PTN: variants seen among roughly 807,000 people sequenced by gnomAD.
PTN encodes pleiotrophin.
A neutral mutation model predicts 24.1 loss-of-function variants in PTN; 18 were observed. That is an observed-to-expected ratio of 0.75 (90% CI 0.52 to 1.11). PTN has a LOEUF of 1.11. Among genes scored for constraint, PTN ranks in the 50% least tolerant of loss-of-function variants. The pLI is 0.00. For missense variants in PTN, 163 were observed against 198.8 expected (o/e 0.82, Z 1.08); for synonymous variants, 78 against 68.6 (o/e 1.14, Z -0.67).
At chr7:137,313,062 A>G (rs1347689315) in intron 1 of PTN, among the ~76,000 whole-genome samples, 1 of 79,310 alleles carries the variant, frequency 1.3e-5, no homozygotes, top group Non-Finnish European at 2.5e-5. Flanking sequence ...AGATTCCTTT[A>G]TCTTCCTTCT....
At chr7:137,300,420 C>T (rs566039389) in intron 1 of PTN, among the ~76,000 whole-genome samples, 2 of 152,054 alleles carry the variant, frequency 1.3e-5, no homozygotes, top group South Asian at 2.1e-4. Flanking sequence ...AAACACAGTG[C>T]AGTACCTGCC....
chr7:137,302,871 T>C (rs1429220846), intron 1 of PTN, among the ~76,000 whole-genome samples: 1 of 152,028 alleles, frequency 6.6e-6, no homozygotes, highest in Non-Finnish European at 1.5e-5. Flanking sequence ...AGTTCAGCTC[T>C]GCTTTCCCTA....
At chr7:137,261,967 T>A (rs1809046981) in intron 1 of PTN, among the ~76,000 whole-genome samples, 1 of 152,202 alleles carries the variant, frequency 6.6e-6, no homozygotes, top group African/African-American at 2.4e-5. Context: ...CAGAAAGGTG[T>A]AGGGAAGTTA....
intron 1 of PTN, among the ~76,000 whole-genome samples, chr7:137,256,339 C>T (rs1240248477): frequency 6.6e-6 from 1 of 152,130 alleles, no homozygotes; most frequent in Non-Finnish European, 1.5e-5. Flanking sequence ...TCAACAGGTC[C>T]TGGTGTGTGA....
At chr7:137,241,253 G>A (rs1808623678) in intron 4 of PTN, among the ~76,000 whole-genome samples, 1 of 152,060 alleles carries the variant, frequency 6.6e-6, no homozygotes, top group Non-Finnish European at 1.5e-5. Context: ...ATTTGTGTCG[G>A]GAAACAGAGC....
At chr7:137,229,041 T>C (rs1206942191) in intron 4 of PTN, among the ~76,000 whole-genome samples, 2 of 151,868 alleles carry the variant, frequency 1.3e-5, no homozygotes, top group African/African-American at 4.8e-5. Context: ...CTTAATGTAT[T>C]TGTTTCTTAG....
At chr7:137,339,462 G>T (rs1810499656) in intron 1 of PTN, among the ~76,000 whole-genome samples, 1 of 150,452 alleles carries the variant, frequency 6.6e-6, no homozygotes, top group South Asian at 2.1e-4. Context: ...ATGGACATGA[G>T]TAACTCCAGC....
intron 1 of PTN, among the ~76,000 whole-genome samples, chr7:137,277,720 T>C (rs551936999): frequency 2.0e-5 from 3 of 152,168 alleles, no homozygotes; most frequent in African/African-American, 4.8e-5. Flanking sequence ...CAGGCACATG[T>C]CACCACACTT....
rs183140058 is a variant in PTN at position 137,330,764 on chromosome 7, A to G, written c.-2+12675T>C. On this transcript the variant is annotated intron_variant, in intron 1 of 4. Coordinates refer to ENST00000348225, the MANE Select transcript of PTN (RefSeq NM_002825.7). ...AACACTCCCTCTGAGAAAAACAAGA[A>G]GAGGACCAGGTTTGCTCCACAGAGC... 1.1e-3 allele frequency among the ~76,000 whole-genome samples: 173 copies of G among 152,280 alleles called. 2 individuals carry two copies. The Middle Eastern group carries it at 0.017, about 15-fold the overall frequency.
chr7:137,333,088 G>C (rs1164725170), intron 1 of PTN, among the ~76,000 whole-genome samples: 2 of 152,104 alleles, frequency 1.3e-5, no homozygotes, highest in Non-Finnish European at 2.9e-5. Flanking sequence ...TGCCCTCCCT[G>C]GTGGGTTTTG....
At chr7:137,311,231 CAAAAAA>C (rs35319700) in intron 1 of PTN, among the ~76,000 whole-genome samples, 2 of 101,620 alleles carry the variant, frequency 2.0e-5, no homozygotes, top group African/African-American at 3.6e-5. Flanking sequence ...GACTCCATTT[CAAAAAA>C]AAAAAAAAAA....
chr7:137,247,661 GTTGT>G (rs1219250774), intron 4 of PTN, among the ~76,000 whole-genome samples: 2 of 152,088 alleles, frequency 1.3e-5, no homozygotes, highest in African/African-American at 4.8e-5. Context: ...GTGTGATTAG[GTTGT>G]TTGTTACTCC....
At chr7:137,330,970 T>C (rs1246683310) in intron 1 of PTN, among the ~76,000 whole-genome samples, 1 of 152,198 alleles carries the variant, frequency 6.6e-6, no homozygotes, top group Non-Finnish European at 1.5e-5. Flanking sequence ...GCCTCAATGC[T>C]ATCTAATAGA....
intron 1 of PTN, among the ~76,000 whole-genome samples, chr7:137,339,857 G>T (rs1340231141): frequency 1.6e-5 from 2 of 127,692 alleles, no homozygotes; most frequent in African/African-American, 2.7e-5. Flanking sequence ...GGGAGCAAAG[G>T]GTTAGAGACA....
At chr7:137,245,201 C>G (rs142866841) in intron 4 of PTN, among the ~76,000 whole-genome samples, 297 of 152,182 alleles carry the variant, frequency 2.0e-3, no homozygotes, top group African/African-American at 6.8e-3. Flanking sequence ...ATCAAACAAA[C>G]AAAACAGATC....
At chr7:137,329,664 T>C (rs1396856874) in intron 1 of PTN, among the ~76,000 whole-genome samples, 1 of 152,148 alleles carries the variant, frequency 6.6e-6, no homozygotes, top group Non-Finnish European at 1.5e-5. Context: ...CTTGCCAGAG[T>C]TTCTGAAGGT....
At chr7:137,254,146 A>C (rs1486009090) in intron 2 of PTN, among the ~76,000 whole-genome samples, 1 of 151,986 alleles carries the variant, frequency 6.6e-6, no homozygotes, top group Non-Finnish European at 1.5e-5. Flanking sequence ...AAAAATACAA[A>C]AATTAGCTGG....
At chr7:137,255,529 CTTA>C (rs1279529686) in intron 1 of PTN, among the ~76,000 whole-genome samples, 2 of 152,186 alleles carry the variant, frequency 1.3e-5, no homozygotes, top group Non-Finnish European at 2.9e-5. Context: ...TCACTATCAT[CTTA>C]TTATTCCATT....
At chr7:137,235,702 A>C (rs1369370499) in intron 4 of PTN, among the ~76,000 whole-genome samples, 2 of 152,090 alleles carry the variant, frequency 1.3e-5, no homozygotes, top group African/African-American at 2.4e-5. Context: ...ACTGCCCCTC[A>C]GTGCTACCCA....
Sources: allele counts gnomAD v4.1 joint callset (sites outside exome capture counted in the v4.1 genomes callset), GRCh38; gene constraint gnomAD v4.1.1; transcripts MANE v1.5; gene names NCBI Gene and HGNC (gene_info 2026-07-23, HGNC 2026-07-21).